Variants in PRKG1 observed in about 807,000 individuals in gnomAD.
PRKG1 encodes cGMP-dependent protein kinase 1.
A neutral mutation model predicts 88.1 loss-of-function variants in PRKG1; 35 were observed. The observed-to-expected ratio is 0.40, with a 90% CI of 0.30 to 0.53. The LOEUF (loss-of-function observed/expected upper bound fraction) is 0.53, where lower values mean the gene tolerates loss of function less well. PRKG1 is among the 20% of genes least tolerant of loss of function. The probability of loss-of-function intolerance (pLI) is 0.59; values close to 1 mark genes in which losing one functional copy is unlikely to be tolerated. For missense variants in PRKG1, 540 were observed against 839.8 expected, an observed-to-expected ratio of 0.64 and a Z score of 4.41; for synonymous variants, 303 against 292.5, an observed-to-expected ratio of 1.04 and a Z score of -0.37.
chr10:51,890,309 T>C (rs1458919312), intron 4 of PRKG1, among the ~76,000 whole-genome samples: 7 of 152,256 alleles, frequency 4.6e-5, no homozygotes, highest in Admixed American at 3.9e-4. Flanking sequence ...ATAATTCCTT[T>C]GGATTATGAC....
intron 1 of PRKG1, among the ~76,000 whole-genome samples, chr10:51,057,993 GT>G (rs777277939): frequency 6.6e-6 from 1 of 152,074 alleles, no homozygotes; most frequent in Non-Finnish European, 1.5e-5. Context: ...GTGGATGAAA[GT>G]TCCTATTGTT....
At chr10:51,735,464 G>C (rs894588144) in intron 3 of PRKG1, among the ~76,000 whole-genome samples, 12 of 152,084 alleles carry the variant, frequency 7.9e-5, no homozygotes, top group Admixed American at 2.0e-4. Context: ...ACAGTATCCT[G>C]TTTTTCATGG....
chr10:52,027,970 G>C (rs1387683201), intron 5 of PRKG1, among the ~76,000 whole-genome samples: 1 of 152,072 alleles, frequency 6.6e-6, no homozygotes, highest in Non-Finnish European at 1.5e-5. Flanking sequence ...TGTATTTTCA[G>C]TAGACGTGGG....
rs190528854 is a variant in PRKG1, at chr10:52,021,764, G to T, written c.763-32720G>T. 7.4e-3 allele frequency among the ~76,000 whole-genome samples: 1,127 copies of T among 152,210 alleles called. 11 individuals carry two copies. Among genetic ancestry groups the T allele is most frequent in the Non-Finnish European group, 0.011 (769 of 67,998 alleles). On this transcript the variant is annotated intron_variant, in intron 5 of 17. Coordinates refer to ENST00000373980, the MANE Select transcript of PRKG1 (RefSeq NM_006258.4). ...GTTGTTGACGATGAAAAAATAAAGA[G>T]ACTCTCCAGGTAATTATTCAAGTAT...
intron 7 of PRKG1, among the ~76,000 whole-genome samples, chr10:52,076,173 T>A (rs192470609): frequency 1.1e-4 from 16 of 152,218 alleles, no homozygotes; most frequent in Non-Finnish European, 2.4e-4. Flanking sequence ...AAATGTGAGA[T>A]CAAAACTACA....
intron 5 of PRKG1, among the ~76,000 whole-genome samples, chr10:51,941,424 T>A (rs1842903649): frequency 6.6e-6 from 1 of 151,910 alleles, no homozygotes; most frequent in African/African-American, 2.4e-5. Flanking sequence ...TATATTTTGA[T>A]CACACGTGCT....
chr10:51,047,306 A>C (rs1031276598), intron 1 of PRKG1, among the ~76,000 whole-genome samples: 1 of 152,206 alleles, frequency 6.6e-6, no homozygotes, highest in African/African-American at 2.4e-5. Flanking sequence ...AGTTACTTAC[A>C]TTCTGTAAGC....
chr10:51,835,046 G>A (rs941224835), intron 4 of PRKG1, among the ~76,000 whole-genome samples: 4 of 152,126 alleles, frequency 2.6e-5, no homozygotes, highest in African/African-American at 9.7e-5. Flanking sequence ...TTAACCAAAC[G>A]CACACACATG....
rs1183726467 is a variant in PRKG1, at chr10:51,648,251, A to G, written c.593-156334A>G. Among the ~76,000 whole-genome samples the G allele has an allele frequency of 3.3e-5, 5 of 152,228 alleles. No homozygotes were observed. The East Asian group carries it at 9.6e-4, about 29-fold the overall frequency. ...ACTTAGAAAGTTTTAAGTCTTGATAATGAGATGAGATGCACATATCTCTAT... is the reference window on the plus strand; with the variant it reads ...ACTTAGAAAGTTTTAAGTCTTGATAGTGAGATGAGATGCACATATCTCTAT... On this transcript the variant is annotated intron_variant, in intron 3 of 17. Coordinates refer to ENST00000373980, the MANE Select transcript of PRKG1 (RefSeq NM_006258.4).
intron 3 of PRKG1, among the ~76,000 whole-genome samples, chr10:51,524,135 C>T (rs546389541): frequency 6.6e-6 from 1 of 152,156 alleles, no homozygotes. Flanking sequence ...CTTTGCATTC[C>T]ACCATGGGTA....
At chr10:51,182,804 C>T (rs1449798176) in intron 2 of PRKG1, among the ~76,000 whole-genome samples, 1 of 152,200 alleles carries the variant, frequency 6.6e-6, no homozygotes, top group East Asian at 1.9e-4. Flanking sequence ...GGACACCACT[C>T]AGCTTGGATT....
chr10:51,549,687 A>C (rs1268131557), intron 3 of PRKG1, among the ~76,000 whole-genome samples: 1 of 152,064 alleles, frequency 6.6e-6, no homozygotes, highest in Non-Finnish European at 1.5e-5. Context: ...TTCCTGAAGA[A>C]TTGTCAGTAA....
At chr10:52,270,074 T>TG (rs1240837668) in intron 10 of PRKG1, among the ~76,000 whole-genome samples, 1 of 152,052 alleles carries the variant, frequency 6.6e-6, no homozygotes, top group Non-Finnish European at 1.5e-5. Context: ...TTGTTACAAT[T>TG]TTTTTTCTCT....
chr10:51,863,727 A>C (rs898608558), intron 4 of PRKG1, among the ~76,000 whole-genome samples: 1 of 152,182 alleles, frequency 6.6e-6, no homozygotes, highest in African/African-American at 2.4e-5. Context: ...TCAACCTTGT[A>C]ATTCTCAACC....
chr10:50,992,800 C>CT (rs974915079), intron 1 of PRKG1, among the ~76,000 whole-genome samples: 4 of 2,678 alleles, frequency 1.5e-3, no homozygotes, highest in Non-Finnish European at 2.7e-3. Flanking sequence ...GACTCCAAAG[C>CT]CATTACTGGC....
intron 2 of PRKG1, among the ~76,000 whole-genome samples, chr10:51,216,409 G>A (rs968695430): frequency 1.1e-4 from 17 of 152,168 alleles, no homozygotes; most frequent in East Asian, 9.6e-4. Flanking sequence ...TTTGGACTCC[G>A]GAGCCAGACT....
intron 2 of PRKG1, among the ~76,000 whole-genome samples, chr10:51,218,485 A>G (rs1472972717): frequency 2.8e-5 from 3 of 105,416 alleles, no homozygotes; most frequent in Non-Finnish European, 1.9e-5. Context: ...TAGTTCATCT[A>G]TCTTCATATA....
chr10:51,752,247 T>C (rs1340887142), intron 3 of PRKG1, among the ~76,000 whole-genome samples: 1 of 152,204 alleles, frequency 6.6e-6, no homozygotes, highest in Non-Finnish European at 1.5e-5. Context: ...CTATGTTGGA[T>C]CATTATTTGT....
intron 1 of PRKG1, among the ~76,000 whole-genome samples, chr10:51,049,082 C>T (rs757722287): frequency 5.3e-5 from 8 of 151,468 alleles, no homozygotes; most frequent in Non-Finnish European, 1.0e-4. Context: ...CTGACAGGGC[C>T]GGGAAAGGAA....
Sources: allele counts gnomAD v4.1 joint callset (sites outside exome capture counted in the v4.1 genomes callset), GRCh38; gene constraint gnomAD v4.1.1; transcripts MANE v1.5; gene names NCBI Gene and HGNC (gene_info 2026-07-23, HGNC 2026-07-21).